ATP8B4: variants seen among roughly 807,000 people sequenced by gnomAD.
ATP8B4 encodes probable phospholipid-transporting ATPase IM.
Under a neutral mutation model 145.6 loss-of-function variants are expected in ATP8B4, and 133 were observed. The observed-to-expected ratio is 0.91, with a 90% CI of 0.79 to 1.05. ATP8B4 has a LOEUF of 1.05. Among genes scored for constraint, ATP8B4 ranks in the 50% least tolerant of loss-of-function variants. The pLI, the probability that ATP8B4 is intolerant of heterozygous loss-of-function variation, is 0.00. For missense variants in ATP8B4, 1,458 were observed against 1,425.2 expected, an observed-to-expected ratio of 1.02 and a Z score of -0.37; for synonymous variants, 507 against 492.9, an observed-to-expected ratio of 1.03 and a Z score of -0.38.
At chr15:49,921,673 T>C (rs763879924) in intron 17 of ATP8B4, among the ~76,000 whole-genome samples, 7 of 152,212 alleles carry the variant, frequency 4.6e-5, no homozygotes, top group Non-Finnish European at 8.8e-5. Context: ...TAGAGGTTTA[T>C]AATCAGGCGT....
At chr15:50,044,820 A>G (rs1414556654) in intron 4 of ATP8B4, 128 bp from the exon 5 acceptor site, 2 of 595,502 alleles carry the variant, frequency 3.4e-6, no homozygotes, top group Non-Finnish European at 5.7e-6. Context: ...ATGACTTTCA[A>G]TAATTTAAGT....
chr15:50,126,317 A>G (rs915077180), intron 1 of ATP8B4, among the ~76,000 whole-genome samples: 1 of 151,838 alleles, frequency 6.6e-6, no homozygotes, highest in African/African-American at 2.4e-5. Context: ...TCCATCTTAC[A>G]TTCCCAGAAG....
At chr15:49,981,832 A>G (rs2046183771) in intron 10 of ATP8B4, among the ~76,000 whole-genome samples, 1 of 152,156 alleles carries the variant, frequency 6.6e-6, no homozygotes, top group Non-Finnish European at 1.5e-5. Flanking sequence ...CACGTATGTA[A>G]TATGTAATTT....
intron 13 of ATP8B4, among the ~76,000 whole-genome samples, chr15:49,964,552 A>G (rs551193269): frequency 6.6e-6 from 1 of 152,340 alleles, no homozygotes; most frequent in Admixed American, 6.5e-5. Flanking sequence ...AAAACAAGGA[A>G]AAATGATTCT....
At chr15:50,010,360 CAT>C (rs1324133268) in intron 7 of ATP8B4, among the ~76,000 whole-genome samples, 3 of 151,904 alleles carry the variant, frequency 2.0e-5, no homozygotes, top group Admixed American at 6.6e-5. Flanking sequence ...TCATTAATAA[CAT>C]GTTATTAATT....
chr15:50,058,937 T>C (rs939255713), intron 3 of ATP8B4, among the ~76,000 whole-genome samples: 21 of 149,220 alleles, frequency 1.4e-4, no homozygotes, highest in Admixed American at 6.7e-5. Flanking sequence ...ATTCTCCACA[T>C]GGGGCAGGTA....
At chr15:50,057,635 T>G (rs1385566194) in intron 3 of ATP8B4, among the ~76,000 whole-genome samples, 3 of 152,218 alleles carry the variant, frequency 2.0e-5, no homozygotes, top group Admixed American at 1.3e-4. Context: ...ATTTTCCATC[T>G]AGACCCCAGG....
chr15:50,158,261 G>A (rs2044455977), intron 1 of ATP8B4, among the ~76,000 whole-genome samples: 1 of 151,628 alleles, frequency 6.6e-6, no homozygotes, highest in South Asian at 2.1e-4. Flanking sequence ...GCCCAGTCTG[G>A]GAAGTGAGGA....
At chr15:49,962,099 T>C in intron 13 of ATP8B4, 79 bp from the exon 14 acceptor site, 1 of 1,059,490 alleles carries the variant, frequency 9.4e-7, no homozygotes, top group Non-Finnish European at 1.4e-6. Flanking sequence ...GGAATACACT[T>C]ATTATTTATT....
chr15:50,127,481 G>A (rs2153678564), intron 1 of ATP8B4, among the ~76,000 whole-genome samples: 1 of 152,280 alleles, frequency 6.6e-6, no homozygotes, highest in East Asian at 1.9e-4. Flanking sequence ...GAGCAAAGGT[G>A]AGTTTGCCAT....
intron 25 of ATP8B4, among the ~76,000 whole-genome samples, chr15:49,875,823 C>T (rs912558976): frequency 2.1e-4 from 32 of 152,164 alleles, no homozygotes; most frequent in African/African-American, 3.4e-4. Context: ...GTGTGAGATT[C>T]GGATATGCCA....
chr15:49,922,253 T>C (rs2040329566), intron 17 of ATP8B4: 1 of 190,574 alleles, frequency 5.2e-6, no homozygotes. Flanking sequence ...CAGAGAAATG[T>C]AAAAAGACCA....
chr15:49,947,344 T>A (rs2042656756), intron 14 of ATP8B4, among the ~76,000 whole-genome samples: 1 of 148,422 alleles, frequency 6.7e-6, no homozygotes, highest in African/African-American at 2.5e-5. Context: ...GGCAGAGCAA[T>A]CACTTGAACC....
intron 3 of ATP8B4, 132 bp downstream of exon 3, chr15:50,073,995 T>C (rs1368497080): frequency 1.3e-5 from 8 of 632,842 alleles, no homozygotes; most frequent in Non-Finnish European, 2.2e-5. Flanking sequence ...TGGAAATATA[T>C]GTCACCTTGC....
At chr15:50,100,658 C>A (rs1003355367) in intron 2 of ATP8B4, among the ~76,000 whole-genome samples, 1 of 152,138 alleles carries the variant, frequency 6.6e-6, no homozygotes, top group Non-Finnish European at 1.5e-5. Context: ...CATGATGATA[C>A]AAATGATGGT....
At chr15:49,862,492 C>T in intron 26 of ATP8B4, 117 bp from the exon 27 acceptor site, 4 of 1,202,390 alleles carry the variant, frequency 3.3e-6, no homozygotes, top group Non-Finnish European at 4.5e-6. Context: ...CTTGCTCTGT[C>T]TTCCAGGCTG....
At chr15:49,954,614 T>C (rs1293362957) in intron 14 of ATP8B4, among the ~76,000 whole-genome samples, 1 of 151,834 alleles carries the variant, frequency 6.6e-6, no homozygotes, top group African/African-American at 2.4e-5. Flanking sequence ...CAAATCAAAA[T>C]CATAACGAGA....
chr15:50,069,954 G>C (rs1181483973), intron 3 of ATP8B4, among the ~76,000 whole-genome samples: 2 of 152,282 alleles, frequency 1.3e-5, no homozygotes, highest in Non-Finnish European at 2.9e-5. Flanking sequence ...GCTATTATCT[G>C]TGTGACCCTG....
At chr15:50,018,985 T>G (rs765744116) in intron 6 of ATP8B4, 1 of 1,191,978 alleles carries the variant, frequency 8.4e-7, no homozygotes, top group South Asian at 1.3e-5. Context: ...ACCTTCATTA[T>G]GAGGAGAAAC....
Sources: gnomAD v4.1 joint callset for allele counts (sites outside exome capture counted in the v4.1 genomes callset) on GRCh38, gnomAD v4.1.1 for gene constraint, MANE v1.5 for transcripts, NCBI Gene and HGNC (gene_info 2026-07-23, HGNC 2026-07-21) for gene names.